Variants in CEP112 observed in about 807,000 individuals in gnomAD.
CEP112 encodes centrosomal protein 112.
A neutral mutation model predicts 153.0 loss-of-function variants in CEP112; 127 were observed. The ratio of observed to expected loss-of-function variants is 0.83; its 90% confidence interval spans 0.72 to 0.96. The LOEUF is 0.96. Ranked by LOEUF, CEP112 falls within the 40% of genes least tolerant of loss-of-function variation. The pLI is 0.00. For missense variants in CEP112, 1,089 were observed against 1,101.2 expected (o/e 0.99, Z 0.16); for synonymous variants, 358 against 374.4 (o/e 0.96, Z 0.51).
At chr17:66,046,765 G>A (rs958121772) in intron 12 of CEP112, among the ~76,000 whole-genome samples, 5 of 151,316 alleles carry the variant, frequency 3.3e-5, no homozygotes, top group African/African-American at 1.2e-4. Flanking sequence ...TTATGAGAAG[G>A]CCATGTGAAG....
chr17:65,885,074 T>C (rs1026136051), intron 20 of CEP112, among the ~76,000 whole-genome samples: 1 of 152,110 alleles, frequency 6.6e-6, no homozygotes, highest in African/African-American at 2.4e-5. Context: ...TGTTGTATAA[T>C]TATTAAGTCT....
intron 11 of CEP112, among the ~76,000 whole-genome samples, chr17:66,058,900 CA>C (rs2066813636): frequency 6.6e-6 from 1 of 151,882 alleles, no homozygotes; most frequent in African/African-American, 2.4e-5. Flanking sequence ...TCACATTACC[CA>C]ACTTAAAACT....
rs9892610 is a variant in CEP112 at position 65,821,142 on chromosome 17, T to C, written c.2394+30662A>G. On this transcript the variant is annotated intron_variant, in intron 21 of 26. Transcript: ENST00000535342. The stretch of plus-strand genomic sequence containing the variant: ...AAAAAAAACAAAAAATGTTGTACAA[T>C]GCTCTACACCTGGCTGGGTAACCAG... Among the ~76,000 whole-genome samples, 425 of 151,640 alleles carry C rather than the reference T, an allele frequency of 2.8e-3. 1 individual carries two copies. Among genetic ancestry groups the C allele is most frequent in the African/African-American group, 9.9e-3 (411 of 41,400 alleles).
rs142899409 is a variant in CEP112, at chr17:66,073,889, C to A, written c.769-3888G>T. Among the ~76,000 whole-genome samples the A allele has an allele frequency of 1.0e-3, 153 of 152,092 alleles. 1 individual carries two copies. Among genetic ancestry groups the A allele is most frequent in the Non-Finnish European group, 1.8e-3 (124 of 67,994 alleles). ...ATCCAGAGTCCCTACAAGGTATCAA[C>A]CACAAGGTCCTTTATCTAGAAAGTA... is the stretch of plus-strand genomic sequence containing the variant. On this transcript the variant is annotated intron_variant, in intron 8 of 26. Transcript: ENST00000535342.
At chr17:65,759,848 C>A (rs559938616) in intron 21 of CEP112, among the ~76,000 whole-genome samples, 3 of 152,072 alleles carry the variant, frequency 2.0e-5, no homozygotes. Context: ...GTTCTTGACA[C>A]GCAATGGCAT....
intron 19 of CEP112, among the ~76,000 whole-genome samples, chr17:65,913,100 A>G (rs2060346349): frequency 6.6e-6 from 1 of 152,254 alleles, no homozygotes; most frequent in African/African-American, 2.4e-5. Context: ...AATGAGATAT[A>G]TATTTAACAT....
intron 23 of CEP112, among the ~76,000 whole-genome samples, chr17:65,692,804 C>A (rs1448334088): frequency 6.6e-6 from 1 of 152,144 alleles, no homozygotes; most frequent in Non-Finnish European, 1.5e-5. Context: ...TCTCTGCAAG[C>A]CCAGTGCCAA....
rs187838376 is a variant in CEP112 at position 65,877,206 on chromosome 17, G to A, written c.2163+24946C>T. On this transcript the variant is annotated intron_variant, in intron 20 of 26. Transcript: ENST00000535342. ...CCACCTTGGGCTTTCTCCAAACCCAGGGAAGCCTGCTAAGCCCAAGTGCAG... is the reference window on the plus strand; with the variant it reads ...CCACCTTGGGCTTTCTCCAAACCCAAGGAAGCCTGCTAAGCCCAAGTGCAG... Among the ~76,000 whole-genome samples, 32 of 152,318 alleles carry A rather than the reference G, an allele frequency of 2.1e-4. No individual in the cohort carries two copies. The East Asian group carries it at 3.9e-3, about 18-fold the overall frequency.
intron 18 of CEP112, among the ~76,000 whole-genome samples, chr17:65,935,850 AAAAG>A (rs1437811520): frequency 3.3e-5 from 5 of 152,072 alleles, no homozygotes; most frequent in Admixed American, 6.5e-5. Context: ...AGAACTAAAA[AAAAG>A]GAAAAATGAA....
At chr17:66,180,180 T>A (rs1273163450) in intron 2 of CEP112, among the ~76,000 whole-genome samples, 2 of 152,164 alleles carry the variant, frequency 1.3e-5, no homozygotes, top group Non-Finnish European at 2.9e-5. Context: ...GGTTTTGGTA[T>A]CAGGGTAATA....
chr17:65,717,289 G>A (rs565402341), intron 23 of CEP112, among the ~76,000 whole-genome samples: 1 of 152,232 alleles, frequency 6.6e-6, no homozygotes, highest in Admixed American at 6.5e-5. Flanking sequence ...TCACGCAAGT[G>A]GCTAGATGGG....
At chr17:65,990,694 G>C (rs9907638) in intron 17 of CEP112, among the ~76,000 whole-genome samples, 77,706 of 152,146 alleles carry the variant, frequency 0.51, 20,767 homozygotes, top group African/African-American at 0.57. Flanking sequence ...TGAACTTGAA[G>C]GGCAGTCTAG....
At chr17:66,029,059 A>G in intron 14 of CEP112, 64 bp downstream of exon 14, 1 of 1,249,794 alleles carries the variant, frequency 8.0e-7, no homozygotes, top group South Asian at 1.6e-5. Flanking sequence ...CTACTTGGCT[A>G]TCTATGGCTC....
At position 65,696,333 on chromosome 17, in the gene CEP112, G is replaced by C. The variant is rs371676159; in HGVS notation, c.2608-7115C>G. Among the ~76,000 whole-genome samples, 231 of 152,342 alleles carry C rather than the reference G, an allele frequency of 1.5e-3. 1 individual carries two copies. The highest frequency in any genetic ancestry group is 5.3e-3 in the African/African-American group (220 of 41,574). On this transcript the variant is annotated intron_variant, in intron 23 of 26. Coordinates refer to ENST00000535342, the MANE Select transcript of CEP112 (RefSeq NM_001199165.4). ...GGCCTGCCCTGCATGATGGGGCAGA[G>C]TGTAAATGGATCTTGTCCTTGGTTC... is the stretch of plus-strand genomic sequence containing the variant.
chr17:66,066,388 T>G (rs1255372127), intron 10 of CEP112, among the ~76,000 whole-genome samples: 1 of 152,182 alleles, frequency 6.6e-6, no homozygotes, highest in African/African-American at 2.4e-5. Context: ...TAAAGAAGAA[T>G]AATTTCCTTT....
chr17:65,900,736 C>A (rs2059816635), intron 20 of CEP112, among the ~76,000 whole-genome samples: 1 of 152,062 alleles, frequency 6.6e-6, no homozygotes, highest in African/African-American at 2.4e-5. Context: ...ATGAACTAGA[C>A]AATATTCCTA....
At chr17:66,126,364 A>G (rs1272279169) in intron 6 of CEP112, among the ~76,000 whole-genome samples, 1 of 152,206 alleles carries the variant, frequency 6.6e-6, no homozygotes, top group African/African-American at 2.4e-5. Flanking sequence ...TAATTTTTAA[A>G]GTTTTTTTTC....
intron 23 of CEP112, among the ~76,000 whole-genome samples, chr17:65,697,448 T>C (rs1218107403): frequency 6.6e-6 from 1 of 152,260 alleles, no homozygotes; most frequent in Non-Finnish European, 1.5e-5. Flanking sequence ...TAAATGTTTT[T>C]CTTTCTACTA....
intron 20 of CEP112, among the ~76,000 whole-genome samples, chr17:65,885,080 A>C (rs1327459560): frequency 6.6e-6 from 1 of 152,200 alleles, no homozygotes; most frequent in East Asian, 1.9e-4. Flanking sequence ...ATAATTATTA[A>C]GTCTGCACAA....
Sources: gnomAD v4.1 joint callset for allele counts (sites outside exome capture counted in the v4.1 genomes callset) on GRCh38, gnomAD v4.1.1 for gene constraint, MANE v1.5 for transcripts, NCBI Gene and HGNC (gene_info 2026-07-23, HGNC 2026-07-21) for gene names.